Variants in TTC28 observed in about 807,000 individuals in gnomAD.
The protein encoded by TTC28 is tetratricopeptide repeat domain 28, also known as tetratricopeptide repeat protein 28.
TTC28 carries 61 observed loss-of-function variants against 198.0 expected under a neutral mutation model. The ratio of observed to expected loss-of-function variants is 0.31; its 90% CI spans 0.25 to 0.38. The LOEUF is 0.38. Among genes scored for constraint, TTC28 ranks in the 10% least tolerant of loss-of-function variants. TTC28 has a pLI of 1.00. For missense variants in TTC28, 2,678 were observed against 3,164.0 expected (o/e 0.85, Z 3.69); for synonymous variants, 1,171 against 1,297.8 (o/e 0.90, Z 2.10).
Position 27,998,792 on chromosome 22 carries a change from G to A in TTC28, c.4867C>T (p.Leu1623Phe), listed in dbSNP as rs1299045740. 4 of 1,550,650 alleles carry A rather than the reference G, an allele frequency of 2.6e-6. No homozygotes were observed. The highest frequency in any genetic ancestry group is 4.9e-5 in the East Asian group (2 of 40,920). The change falls in exon 16 of 23, where the codon CTT (leucine) becomes TTT (phenylalanine). Residue 1623 changes from leucine to phenylalanine, a missense_variant. Leu to Phe is a conservative substitution (Grantham distance 22). This residue lies in a region of TTC28 where 727 missense variants were observed against 861.9 expected (regional missense o/e 0.84). Transcript: ENST00000397906. ...DLQLPVKLVV[L>F]GSSQESNSKV... The stretch of plus-strand genomic sequence containing the variant: ...CTGTTGGACTCCTGGGAGGAGCCAA[G>A]CACCACCAGCTTCACAGGCAGCTGC...
chr22:28,296,844 G>A (rs986085639), intron 4 of TTC28, among the ~76,000 whole-genome samples: 4 of 152,050 alleles, frequency 2.6e-5, no homozygotes, highest in Non-Finnish European at 5.9e-5. Context: ...GAAAAAAGTG[G>A]GTCACAGAGA....
chr22:28,179,673 A>C (rs1923521085), intron 5 of TTC28, among the ~76,000 whole-genome samples: 1 of 152,232 alleles, frequency 6.6e-6, no homozygotes, highest in Admixed American at 6.5e-5. Context: ...TTGGTCTTCA[A>C]GGGAGAATCA....
chr22:28,637,486 G>A (rs2051294774), intron 1 of TTC28, among the ~76,000 whole-genome samples: 1 of 151,992 alleles, frequency 6.6e-6, no homozygotes, highest in Admixed American at 6.6e-5. Flanking sequence ...TGTTTTATGT[G>A]AGCATCAAGG....
chr22:28,015,925 T>C (rs1042261744), intron 13 of TTC28, among the ~76,000 whole-genome samples: 3 of 151,616 alleles, frequency 2.0e-5, no homozygotes, highest in Admixed American at 1.3e-4. Context: ...TCTCTGCTGG[T>C]CCAGACCAGG....
At chr22:28,457,689 T>C (rs1300047993) in intron 2 of TTC28, among the ~76,000 whole-genome samples, 1 of 152,206 alleles carries the variant, frequency 6.6e-6, no homozygotes, top group African/African-American at 2.4e-5. Context: ...GTTTTAATTA[T>C]TGGTTTTTAA....
intron 12 of TTC28, among the ~76,000 whole-genome samples, chr22:28,093,747 A>G (rs757403215): frequency 1.3e-5 from 2 of 152,178 alleles, no homozygotes; most frequent in African/African-American, 2.4e-5. Flanking sequence ...ATTTGTTTAT[A>G]ACAAAAAATA....
chr22:28,173,956 T>C (rs1218253621), intron 5 of TTC28, among the ~76,000 whole-genome samples: 1 of 152,206 alleles, frequency 6.6e-6, no homozygotes, highest in East Asian at 1.9e-4. Flanking sequence ...CTACATGTCA[T>C]TGGAAAAATG....
Position 28,645,614 on chromosome 22 carries a change from G to A in TTC28, c.103-15784C>T, listed in dbSNP as rs150318682. On this transcript the variant is annotated intron_variant, in intron 1 of 22. Transcript: ENST00000397906. ...TGCACTCCAGTCTGGGCAACAGAGC[G>A]AGACTACATCTCAAAAAAAAAAAAA... Among the ~76,000 whole-genome samples the A allele has an allele frequency of 3.9e-4, 57 of 146,218 alleles. No homozygotes were observed. In the East Asian group the frequency reaches 0.011, roughly 28 times the overall value.
intron 2 of TTC28, among the ~76,000 whole-genome samples, chr22:28,346,190 T>A (rs2045899987): frequency 6.6e-6 from 1 of 152,214 alleles, no homozygotes; most frequent in Non-Finnish European, 1.5e-5. Context: ...AGGTAGTTCA[T>A]AAGGTAGTTA....
chr22:28,471,059 G>T (rs1005068591), intron 2 of TTC28, among the ~76,000 whole-genome samples: 9 of 152,136 alleles, frequency 5.9e-5, no homozygotes, highest in African/African-American at 1.9e-4. Context: ...ACAGAATGAG[G>T]AAAGCAGTCC....
At chr22:28,583,943 T>C (rs2050268825) in intron 2 of TTC28, among the ~76,000 whole-genome samples, 1 of 151,968 alleles carries the variant, frequency 6.6e-6, no homozygotes. Flanking sequence ...TATAAATATA[T>C]TCTAATTATC....
intron 5 of TTC28, among the ~76,000 whole-genome samples, chr22:28,295,250 C>G (rs544101203): frequency 6.6e-6 from 1 of 152,272 alleles, no homozygotes; most frequent in Admixed American, 6.5e-5. Flanking sequence ...TATAATTAAT[C>G]TTTATAAGGT....
At chr22:28,443,142 C>G (rs1189776284) in intron 2 of TTC28, 1 of 152,260 alleles carries the variant, frequency 6.6e-6, no homozygotes, top group Non-Finnish European at 1.5e-5. Context: ...GTCCCAGCAG[C>G]CACCGGCGTA....
intron 2 of TTC28, among the ~76,000 whole-genome samples, chr22:28,602,497 G>A (rs1320510532): frequency 6.6e-6 from 1 of 151,894 alleles, no homozygotes; most frequent in African/African-American, 2.4e-5. Context: ...GGATTTAGGG[G>A]GTGATTGCAC....
At chr22:28,006,550 C>T (rs535246640) in intron 14 of TTC28, 1 of 152,336 alleles carries the variant, frequency 6.6e-6, no homozygotes, top group East Asian at 1.9e-4. Context: ...TTCTCTGGAA[C>T]ATCCAGCTCC....
At chr22:28,265,526 C>T (rs772088785) in intron 5 of TTC28, among the ~76,000 whole-genome samples, 5 of 152,100 alleles carry the variant, frequency 3.3e-5, no homozygotes, top group East Asian at 1.9e-4. Context: ...TTGCACGTAC[C>T]GCATGGGACA....
At chr22:28,669,579 T>C (rs1367816932) in intron 1 of TTC28, among the ~76,000 whole-genome samples, 2 of 152,214 alleles carry the variant, frequency 1.3e-5, no homozygotes, top group African/African-American at 4.8e-5. Flanking sequence ...GGAAGATCTT[T>C]GTGGAGTCAG....
intron 6 of TTC28, among the ~76,000 whole-genome samples, chr22:28,155,567 G>A (rs548711456): frequency 3.3e-5 from 5 of 152,350 alleles, no homozygotes; most frequent in African/African-American, 1.2e-4. Flanking sequence ...GAGGCTTCAA[G>A]TAATGAATGG....
At chr22:28,585,693 A>G (rs2050304311) in intron 2 of TTC28, among the ~76,000 whole-genome samples, 1 of 152,270 alleles carries the variant, frequency 6.6e-6, no homozygotes, top group South Asian at 2.1e-4. Context: ...CAGAGGGGCT[A>G]GTTGATTTGT....
Sources: gnomAD v4.1 joint callset for allele counts (sites outside exome capture counted in the v4.1 genomes callset) on GRCh38, gnomAD v4.1.1 for gene constraint, gnomAD v4.1.1 regional missense constraint, MANE v1.5 for transcripts, NCBI Gene and HGNC (gene_info 2026-07-23, HGNC 2026-07-21) for gene names.